DCLK1: variants seen among roughly 807,000 people sequenced by gnomAD.
DCLK1 encodes doublecortin like kinase 1, also known as serine/threonine-protein kinase DCLK1.
In DCLK1, 16 loss-of-function variants were observed where a neutral mutation model predicts 86.2. The observed-to-expected ratio is 0.19, with a 90% CI of 0.13 to 0.28. DCLK1 has a LOEUF of 0.28. DCLK1 is among the 10% of genes least tolerant of loss of function. The pLI is 1.00. For synonymous variants in DCLK1, 369 were observed against 370.5 expected (o/e 1.00, Z 0.05); for missense variants, 590 against 940.2 (o/e 0.63, Z 4.87).
intron 3 of DCLK1, among the ~76,000 whole-genome samples, chr13:36,014,363 ATTC>A (rs1881443566): frequency 6.6e-6 from 1 of 152,206 alleles, no homozygotes; most frequent in South Asian, 2.1e-4. Context: ...CTTACTTTGC[ATTC>A]TTCTTCAGAA....
chr13:35,852,962 T>C (rs141572479), intron 6 of DCLK1, among the ~76,000 whole-genome samples: 39 of 152,358 alleles, frequency 2.6e-4, no homozygotes, highest in East Asian at 2.5e-3. Context: ...CTCCAAAGCA[T>C]ACACTCTAAG....
chr13:36,072,635 C>A (rs1339343069), intron 3 of DCLK1, among the ~76,000 whole-genome samples: 1 of 152,198 alleles, frequency 6.6e-6, no homozygotes, highest in Non-Finnish European at 1.5e-5. Flanking sequence ...CTTCTACCCC[C>A]AGCCTCTAGA....
At chr13:35,996,972 G>C (rs866942649) in intron 3 of DCLK1, among the ~76,000 whole-genome samples, 1 of 152,262 alleles carries the variant, frequency 6.6e-6, no homozygotes, top group African/African-American at 2.4e-5. Context: ...ATGCAGTGAA[G>C]CCCTTTAAAG....
At position 35,774,442 on chromosome 13, in the gene DCLK1, A is replaced by G. The variant is rs1430680004; in HGVS notation, c.*93T>C. The G allele has an allele frequency of 2.1e-6, 3 of 1,445,410 alleles. No individual in the cohort carries two copies. The highest frequency in any genetic ancestry group is 2.8e-6 in the Non-Finnish European group (3 of 1,065,470). 89.5% of individuals were successfully genotyped at this position (1,445,410 alleles called of 1,614,324 possible). On this transcript the variant is annotated 3_prime_UTR_variant, in exon 17 of 17. Coordinates refer to ENST00000360631, the MANE Select transcript of DCLK1 (RefSeq NM_001330071.2). ...CTGCCATTCAAGCATTGAGCGCTAGATAGATCAGATGAAACTGTTTTACAC... is the reference window on the plus strand; with the variant it reads ...CTGCCATTCAAGCATTGAGCGCTAGGTAGATCAGATGAAACTGTTTTACAC...
At chr13:35,805,296 C>G (rs1485291888) in intron 15 of DCLK1, 5 of 169,628 alleles carry the variant, frequency 2.9e-5, no homozygotes, top group African/African-American at 1.2e-4. Context: ...TGGAACACAA[C>G]ACTTTTTTCT....
intron 4 of DCLK1, among the ~76,000 whole-genome samples, chr13:35,900,863 T>A (rs1874312453): frequency 6.6e-6 from 1 of 152,186 alleles, no homozygotes; most frequent in African/African-American, 2.4e-5. Context: ...ATTCCGTGCA[T>A]GGAGTCATAA....
chr13:35,799,066 C>A (rs572747796), intron 15 of DCLK1, among the ~76,000 whole-genome samples: 2 of 152,204 alleles, frequency 1.3e-5, no homozygotes, highest in Admixed American at 6.5e-5. Context: ...TTATTTAAAC[C>A]AGTCTGTTCT....
intron 15 of DCLK1, among the ~76,000 whole-genome samples, chr13:35,798,331 C>A (rs144931184): frequency 6.6e-6 from 1 of 152,256 alleles, no homozygotes; most frequent in African/African-American, 2.4e-5. Context: ...CATCCCCTTG[C>A]GGATTTTTGG....
chr13:35,958,134 A>G (rs62635343), intron 3 of DCLK1, among the ~76,000 whole-genome samples: 677 of 24,226 alleles, frequency 0.028, 9 homozygotes, highest in East Asian at 0.077. Context: ...TACCACTACT[A>G]TAACCACCAC....
intron 3 of DCLK1, among the ~76,000 whole-genome samples, chr13:36,002,599 G>T (rs1003410864): frequency 6.6e-6 from 1 of 152,146 alleles, no homozygotes; most frequent in Non-Finnish European, 1.5e-5. Context: ...TTGGGACACA[G>T]AGAGAAGCTC....
intron 3 of DCLK1, among the ~76,000 whole-genome samples, chr13:36,090,955 C>T (rs1884803248): frequency 6.6e-6 from 1 of 152,160 alleles, no homozygotes; most frequent in South Asian, 2.1e-4. Flanking sequence ...CATTATAAAC[C>T]ACTGGTTAAA....
chr13:35,942,506 C>T (rs1274351933), intron 4 of DCLK1, among the ~76,000 whole-genome samples: 1 of 152,162 alleles, frequency 6.6e-6, no homozygotes, highest in Non-Finnish European at 1.5e-5. Flanking sequence ...TCTAACTATG[C>T]TAAACCATAT....
At chr13:35,871,546 A>T (rs1317254364) in intron 4 of DCLK1, among the ~76,000 whole-genome samples, 2 of 152,124 alleles carry the variant, frequency 1.3e-5, no homozygotes, top group African/African-American at 4.8e-5. Context: ...GAAGTAAATA[A>T]TACTTCAATC....
At chr13:36,025,511 C>G (rs946335796) in intron 3 of DCLK1, among the ~76,000 whole-genome samples, 2 of 152,052 alleles carry the variant, frequency 1.3e-5, no homozygotes, top group Admixed American at 6.6e-5. Flanking sequence ...ATAAACAAAA[C>G]GTGGTATATT....
rs1032769993 is a variant in DCLK1 at position 35,800,425 on chromosome 13, T to C, written c.1944+5274A>G. On this transcript the variant is annotated intron_variant, in intron 15 of 16. Transcript: ENST00000360631. ...TGATGCTCCTCCCATGGGTCTACAT[T>C]CCTCTTCCAGACGTGGCTGCTTACT... Among the ~76,000 whole-genome samples the C allele has an allele frequency of 2.0e-5, 3 of 152,170 alleles. No individual in the cohort carries two copies. In the East Asian group the frequency reaches 5.8e-4, roughly 29 times the overall value.
intron 4 of DCLK1, among the ~76,000 whole-genome samples, chr13:35,941,346 G>A (rs2153131804): frequency 6.6e-6 from 1 of 152,290 alleles, no homozygotes; most frequent in Middle Eastern, 3.4e-3. Flanking sequence ...TGGGACATGA[G>A]TCCCAGGAAA....
rs1388258119 is a variant in DCLK1 at position 36,093,156 on chromosome 13, T to TTATGTAAC, written c.723+18705_723+18712dup. Among the ~76,000 whole-genome samples, 3 of 152,236 alleles carry TTATGTAAC rather than the reference T, an allele frequency of 2.0e-5. No individual in the cohort carries two copies. In the East Asian group the frequency reaches 5.8e-4, roughly 29 times the overall value. ...TCCTTACTTCTACATCAAACCTTCA[T>TTATGTAAC]TATGTAACTGGTCCTATAATTGGAG... On this transcript the variant is annotated intron_variant, in intron 3 of 16. Transcript: ENST00000360631.
chr13:36,006,327 A>G (rs1376159518), intron 3 of DCLK1, among the ~76,000 whole-genome samples: 5 of 152,224 alleles, frequency 3.3e-5, no homozygotes, highest in Non-Finnish European at 7.3e-5. Context: ...ACAGACACAC[A>G]GTTTAGAGAA....
chr13:35,954,574 TAA>T (rs1877879103), intron 3 of DCLK1, among the ~76,000 whole-genome samples: 1 of 152,184 alleles, frequency 6.6e-6, no homozygotes, highest in Non-Finnish European at 1.5e-5. Flanking sequence ...GTTATTGTCA[TAA>T]AACACATTCT....
Sources: gnomAD v4.1 joint callset for allele counts (sites outside exome capture counted in the v4.1 genomes callset) on GRCh38, gnomAD v4.1.1 for gene constraint, MANE v1.5 for transcripts, NCBI Gene and HGNC (gene_info 2026-07-23, HGNC 2026-07-21) for gene names.